OPCML: variants seen among roughly 807,000 people sequenced by gnomAD.
OPCML encodes opioid-binding protein/cell adhesion molecule.
OPCML carries 13 observed loss-of-function variants against 37.8 expected under a neutral mutation model. The observed-to-expected ratio is 0.34, with a 90% CI of 0.22 to 0.55. The LOEUF is 0.55. Among genes scored for constraint, OPCML ranks in the 20% least tolerant of loss-of-function variants. The pLI, the probability that OPCML is intolerant of heterozygous loss-of-function variation, is 0.91. For missense variants in OPCML, 341 were observed against 435.6 expected (o/e 0.78, Z 1.93); for synonymous variants, 176 against 168.8 (o/e 1.04, Z -0.33).
At chr11:133,429,441 A>G (rs1278392551) in intron 1 of OPCML, among the ~76,000 whole-genome samples, 1 of 152,224 alleles carries the variant, frequency 6.6e-6, no homozygotes, top group African/African-American at 2.4e-5. Flanking sequence ...AGCCATTGGA[A>G]GGCACGGGAC....
intron 2 of OPCML, among the ~76,000 whole-genome samples, chr11:132,851,545 T>A (rs759191885): frequency 4.6e-5 from 7 of 152,176 alleles, no homozygotes; most frequent in Non-Finnish European, 7.3e-5. Context: ...AGGGTTCACT[T>A]TTACTACGAT....
chr11:133,216,835 T>C (rs1023231703), intron 1 of OPCML, among the ~76,000 whole-genome samples: 1 of 152,240 alleles, frequency 6.6e-6, no homozygotes, highest in African/African-American at 2.4e-5. Flanking sequence ...GGCATATGTA[T>C]TTATATGTAA....
intron 1 of OPCML, among the ~76,000 whole-genome samples, chr11:132,987,365 G>A (rs1364412534): frequency 6.6e-6 from 1 of 152,150 alleles, no homozygotes; most frequent in Admixed American, 6.5e-5. Context: ...AGAACGTGAA[G>A]ACCAAGGGGC....
chr11:133,140,961 A>AGAC lies in OPCML; in HGVS notation c.62-197952_62-197951insGTC, dbSNP rs1949797227. On this transcript the variant is annotated intron_variant, in intron 1 of 7. Transcript: ENST00000524381. ...AAGAAGAAGACGACGAAGAAGAAGA[A>AGAC]GAAGAAGAAGAAGAAGAAGAAGAAG... 3.1e-3 allele frequency among the ~76,000 whole-genome samples: 7 copies of AGAC among 2,276 alleles called. 3 individuals carry two copies. The highest frequency in any genetic ancestry group is 4.9e-3 in the African/African-American group (7 of 1,432). The allele number at this position is 2,276 out of a possible 152,430, so 1.5% of individuals were successfully genotyped here.
chr11:133,051,976 A>G (rs753439465), intron 1 of OPCML, among the ~76,000 whole-genome samples: 142 of 152,186 alleles, frequency 9.3e-4, no homozygotes, highest in Admixed American at 6.5e-4. Context: ...ATAAACCCCC[A>G]GGGGTTCAAC....
chr11:132,702,778 A>G (rs1943880152), intron 2 of OPCML, among the ~76,000 whole-genome samples: 1 of 151,814 alleles, frequency 6.6e-6, no homozygotes, highest in African/African-American at 2.4e-5. Flanking sequence ...CTCTACTTCA[A>G]ATGACATGAC....
intron 2 of OPCML, among the ~76,000 whole-genome samples, chr11:132,849,288 C>A (rs1024412978): frequency 6.6e-6 from 1 of 152,188 alleles, no homozygotes; most frequent in Non-Finnish European, 1.5e-5. Flanking sequence ...GGTAAGATTT[C>A]ATGCGATCTA....
intron 2 of OPCML, among the ~76,000 whole-genome samples, chr11:132,822,083 C>T (rs1475701646): frequency 2.0e-5 from 3 of 152,156 alleles, no homozygotes; most frequent in Non-Finnish European, 4.4e-5. Flanking sequence ...TACTTTCTAT[C>T]CTCAGACCAG....
At chr11:132,954,211 G>C (rs1289401196) in intron 1 of OPCML, among the ~76,000 whole-genome samples, 1 of 151,856 alleles carries the variant, frequency 6.6e-6, no homozygotes, top group Non-Finnish European at 1.5e-5. Context: ...CATTTTGCTT[G>C]GCCTGGAAAT....
chr11:133,346,730 C>G (rs74566228), intron 1 of OPCML, among the ~76,000 whole-genome samples: 2,431 of 152,272 alleles, frequency 0.016, 41 homozygotes, highest in Non-Finnish European at 0.023. Context: ...GGGTTCCAAG[C>G]CTCGTTTTAC....
Position 133,212,896 on chromosome 11 carries a change from G to A in OPCML, c.62-269886C>T, listed in dbSNP as rs1020218251. On this transcript the variant is annotated intron_variant, in intron 1 of 7. Transcript: ENST00000524381. This position sits in a 1 kb window ranked among gnomAD's most constrained non-coding sequence, Gnocchi z 4.9. ...TCCACGTTTGTATCTGCGTCATGCC[G>A]TTAAACCACACATCAAGCTTTTATG... Among the ~76,000 whole-genome samples, 7 of 152,240 alleles carry A rather than the reference G, an allele frequency of 4.6e-5. No homozygotes were observed. Among genetic ancestry groups the A allele is most frequent in the East Asian group, 1.9e-4 (1 of 5,174 alleles).
At chr11:133,131,954 A>C (rs1592031498) in intron 1 of OPCML, among the ~76,000 whole-genome samples, 1 of 152,302 alleles carries the variant, frequency 6.6e-6, no homozygotes, top group East Asian at 1.9e-4. Context: ...CCATATACAA[A>C]AATTAACTTA....
At chr11:133,048,701 A>T (rs1269530108) in intron 1 of OPCML, among the ~76,000 whole-genome samples, 3 of 152,218 alleles carry the variant, frequency 2.0e-5, no homozygotes, top group African/African-American at 7.2e-5. Flanking sequence ...ACAGTACTAG[A>T]TAGAGCTGAT....
In OPCML at chr11:132,684,052, T is replaced by C. The variant is rs145068489; in HGVS notation, c.147-26733A>G. Reference sequence around the variant, plus strand: ...CATTTGTTACACACCAAAAATACAATATTGTTTATGTTAAAAAATCCCTTT... The same window carrying C: ...CATTTGTTACACACCAAAAATACAACATTGTTTATGTTAAAAAATCCCTTT... On this transcript the variant is annotated intron_variant, in intron 2 of 7. Transcript: ENST00000524381. Among the ~76,000 whole-genome samples, 612 of 152,292 alleles carry C rather than the reference T, an allele frequency of 4.0e-3. 4 individuals are homozygous for C. The highest frequency in any genetic ancestry group is 0.021 in the South Asian group (100 of 4,820).
intron 3 of OPCML, among the ~76,000 whole-genome samples, chr11:132,572,455 C>T (rs2096440889): frequency 6.6e-6 from 1 of 151,962 alleles, no homozygotes; most frequent in Non-Finnish European, 1.5e-5. Flanking sequence ...GGTCCAATTT[C>T]ATTCTTCTAT....
intron 2 of OPCML, among the ~76,000 whole-genome samples, chr11:132,875,227 T>G (rs966735657): frequency 2.6e-5 from 4 of 152,188 alleles, no homozygotes; most frequent in African/African-American, 9.7e-5. Flanking sequence ...CATCTTTCCC[T>G]TTTCTAGACT....
chr11:133,107,387 C>T (rs1057075460), intron 1 of OPCML, among the ~76,000 whole-genome samples: 1 of 152,172 alleles, frequency 6.6e-6, no homozygotes, highest in African/African-American at 2.4e-5. Context: ...GCTTTTCAAA[C>T]GACAAAATGC....
intron 1 of OPCML, among the ~76,000 whole-genome samples, chr11:133,482,036 C>G (rs1947382940): frequency 6.6e-6 from 1 of 152,130 alleles, no homozygotes; most frequent in Non-Finnish European, 1.5e-5. Context: ...AACCTGGGCA[C>G]TTAGAGGAAT....
chr11:132,441,430 A>C (rs1254373399), intron 4 of OPCML, among the ~76,000 whole-genome samples: 4 of 151,832 alleles, frequency 2.6e-5, no homozygotes, highest in African/African-American at 9.7e-5. Flanking sequence ...GGCCTCCCAA[A>C]GTGCTGGGAT....
Sources: gnomAD v4.1 joint callset for allele counts (sites outside exome capture counted in the v4.1 genomes callset) on GRCh38, gnomAD v4.1.1 for gene constraint, Gnocchi (gnomAD v3.1) non-coding constraint, MANE v1.5 for transcripts, NCBI Gene and HGNC (gene_info 2026-07-23, HGNC 2026-07-21) for gene names.